Variants in UBASH3B observed in about 807,000 individuals in gnomAD.
UBASH3B encodes ubiquitin-associated and SH3 domain-containing protein B.
Under a neutral mutation model 83.4 loss-of-function variants are expected in UBASH3B, and 37 were observed. The observed-to-expected ratio is 0.44, with a 90% confidence interval of 0.34 to 0.58. UBASH3B has a LOEUF of 0.58. Ranked by LOEUF, UBASH3B falls within the 20% of genes least tolerant of loss-of-function variation. The pLI, the probability that UBASH3B is intolerant of heterozygous loss-of-function variation, is 0.01. For missense variants in UBASH3B, 657 were observed against 827.2 expected, an observed-to-expected ratio of 0.79 and a Z score of 2.52; for synonymous variants, 304 against 318.3, an observed-to-expected ratio of 0.96 and a Z score of 0.48.
At chr11:122,804,485 C>G (rs12287912) in intron 11 of UBASH3B, among the ~76,000 whole-genome samples, 1 of 151,922 alleles carries the variant, frequency 6.6e-6, no homozygotes, top group Non-Finnish European at 1.5e-5. Context: ...TGTAGAGGAT[C>G]GGCTCACAGG....
intron 1 of UBASH3B, among the ~76,000 whole-genome samples, chr11:122,674,046 C>G (rs1038746332): frequency 6.6e-6 from 1 of 152,040 alleles, no homozygotes; most frequent in African/African-American, 2.4e-5. Flanking sequence ...TCAAAAGAAA[C>G]AGATATGGCT....
chr11:122,755,993 T>G (rs746843090), intron 1 of UBASH3B, among the ~76,000 whole-genome samples: 17 of 151,956 alleles, frequency 1.1e-4, no homozygotes, highest in Non-Finnish European at 2.4e-4. Flanking sequence ...AACACAGGAG[T>G]TCCTGGGCAG....
chr11:122,746,359 C>T (rs902154477), intron 1 of UBASH3B, among the ~76,000 whole-genome samples: 2 of 152,094 alleles, frequency 1.3e-5, no homozygotes, highest in Non-Finnish European at 2.9e-5. Context: ...TATGAGTGGG[C>T]GGACAAGTGG....
At chr11:122,657,224 T>C (rs1863376520) in intron 1 of UBASH3B, among the ~76,000 whole-genome samples, 2 of 152,354 alleles carry the variant, frequency 1.3e-5, no homozygotes, top group South Asian at 2.1e-4. Flanking sequence ...ACTTAATCAG[T>C]GAGGGCCAAG....
In UBASH3B at chr11:122,788,429, TG is replaced by T. The variant is rs1860992861; in HGVS notation, c.772-670del. Among the ~76,000 whole-genome samples the T allele has an allele frequency of 2.0e-5, 3 of 151,932 alleles. No individual in the cohort carries two copies. In the South Asian group the frequency reaches 6.2e-4, roughly 32 times the overall value. On this transcript the variant is annotated intron_variant, in intron 5 of 13. Transcript: ENST00000284273. Reference sequence around the variant, plus strand: ...ACTAAAAATACAAAAATTAGCCAGGTGTGGTGGCGGCCGCCTGAAATCCTAG... The same window carrying T: ...ACTAAAAATACAAAAATTAGCCAGGTTGGTGGCGGCCGCCTGAAATCCTAG...
intron 1 of UBASH3B, among the ~76,000 whole-genome samples, chr11:122,719,539 C>A (rs964404202): frequency 2.6e-5 from 4 of 152,116 alleles, no homozygotes; most frequent in South Asian, 2.1e-4. Context: ...TCATCAGAAC[C>A]AGGCATCTAT....
intron 1 of UBASH3B, among the ~76,000 whole-genome samples, chr11:122,686,421 G>A (rs1032269004): frequency 2.0e-5 from 3 of 150,766 alleles, no homozygotes; most frequent in South Asian, 2.1e-4. Context: ...GTGTGGATCC[G>A]GAAGCAAGCG....
chr11:122,714,045 G>A (rs549337104), intron 1 of UBASH3B, among the ~76,000 whole-genome samples: 9 of 152,322 alleles, frequency 5.9e-5, no homozygotes, highest in Admixed American at 3.9e-4. Flanking sequence ...CACTTGCCGT[G>A]ACCCCTCCAC....
chr11:122,688,649 T>A (rs1240385099), intron 1 of UBASH3B, among the ~76,000 whole-genome samples: 6,618 of 139,906 alleles, frequency 0.047, 628 homozygotes, highest in African/African-American at 0.18. Flanking sequence ...TATTTTATTT[T>A]ATTTTATTTT....
intron 1 of UBASH3B, among the ~76,000 whole-genome samples, chr11:122,715,084 T>C (rs1178309692): frequency 6.6e-6 from 1 of 152,186 alleles, no homozygotes; most frequent in African/African-American, 2.4e-5. Flanking sequence ...TAGCTGGGAC[T>C]ACAGGCGCCC....
In UBASH3B at chr11:122,656,058, G is replaced by A; in HGVS notation, c.9G>A (p.Gln3=). MA[Q]YGHPSPLGMA... ...TGGCTGGCCGCTGAGCCATGGCTCA[G>A]TACGGCCACCCCAGTCCGCTCGGCA... The change falls in exon 1 of 14, where the codon CAG becomes CAA. Residue 3 remains glutamine, a synonymous_variant. Transcript: ENST00000284273. 2 of 1,595,638 alleles carry A rather than the reference G, an allele frequency of 1.3e-6. No homozygotes were observed. The highest frequency in any genetic ancestry group is 1.7e-6 in the Non-Finnish European group (2 of 1,172,546).
At chr11:122,709,927 C>A (rs1276235821) in intron 1 of UBASH3B, among the ~76,000 whole-genome samples, 2 of 152,108 alleles carry the variant, frequency 1.3e-5, no homozygotes, top group African/African-American at 4.8e-5. Context: ...GAGGCTGAGG[C>A]AGGCAGATCA....
intron 1 of UBASH3B, among the ~76,000 whole-genome samples, chr11:122,756,156 T>C (rs192808520): frequency 6.6e-6 from 1 of 152,214 alleles, no homozygotes; most frequent in Non-Finnish European, 1.5e-5. Context: ...GAATGAACTA[T>C]GAGGAAAATT....
intron 1 of UBASH3B, among the ~76,000 whole-genome samples, chr11:122,731,372 C>T (rs1238675283): frequency 6.6e-6 from 1 of 152,128 alleles, no homozygotes; most frequent in Non-Finnish European, 1.5e-5. Flanking sequence ...TTCACCTTTT[C>T]ACTTAAATGG....
chr11:122,677,020 C>T (rs1863676601), intron 1 of UBASH3B, among the ~76,000 whole-genome samples: 1 of 152,186 alleles, frequency 6.6e-6, no homozygotes, highest in African/African-American at 2.4e-5. Flanking sequence ...GTCGGCCCTC[C>T]ATGTCCATAG....
chr11:122,742,484 G>A (rs955151537), intron 1 of UBASH3B, among the ~76,000 whole-genome samples: 61 of 152,336 alleles, frequency 4.0e-4, no homozygotes, highest in African/African-American at 1.3e-3. Context: ...GGAGACCATG[G>A]TCTGCTACAG....
At position 122,810,858 on chromosome 11, in the gene UBASH3B, G is replaced by T. The variant is rs999031355; in HGVS notation, c.*972G>T. ...AGTTCATTCTGTGCAATATGGACAT[G>T]TTTGCAAACCATACCAAGGGTCAGG... is the stretch of plus-strand genomic sequence containing the variant. On this transcript the variant is annotated 3_prime_UTR_variant, in exon 14 of 14. Transcript: ENST00000284273. 7.9e-5 allele frequency: 12 copies of T among 152,166 alleles called. No homozygotes were observed. The highest frequency in any genetic ancestry group is 2.9e-4 in the African/African-American group (12 of 41,436). 9.4% of individuals were successfully genotyped at this position (152,166 alleles called of 1,614,324 possible). A position where few individuals can be genotyped will look rare whatever the true frequency, so the allele number is the denominator to read the frequency against.
chr11:122,663,865 C>T (rs1031999678), intron 1 of UBASH3B, among the ~76,000 whole-genome samples: 1 of 152,186 alleles, frequency 6.6e-6, no homozygotes, highest in African/African-American at 2.4e-5. Flanking sequence ...CCTGTCTGTA[C>T]AATGCAGACA....
At chr11:122,697,176 C>G (rs1863974881) in intron 1 of UBASH3B, among the ~76,000 whole-genome samples, 1 of 152,152 alleles carries the variant, frequency 6.6e-6, no homozygotes, top group South Asian at 2.1e-4. Context: ...TTTTCAAACT[C>G]AAGTAATTGG....
Sources: allele counts gnomAD v4.1 joint callset (sites outside exome capture counted in the v4.1 genomes callset), GRCh38; gene constraint gnomAD v4.1.1; transcripts MANE v1.5; gene names NCBI Gene and HGNC (gene_info 2026-07-23, HGNC 2026-07-21).